SPATA17: variants seen among roughly 807,000 people sequenced by gnomAD.
The protein encoded by SPATA17 is spermatogenesis-associated protein 17.
SPATA17 carries 53 observed loss-of-function variants against 62.2 expected under a neutral mutation model. That is an observed-to-expected ratio of 0.85 (90% CI 0.68 to 1.07). The LOEUF (loss-of-function observed/expected upper bound fraction) is 1.07, where lower values mean the gene tolerates loss of function less well. Ranked by LOEUF, SPATA17 falls within the 50% of genes least tolerant of loss-of-function variation. SPATA17 has a pLI of 0.00. For missense variants in SPATA17, 466 were observed against 425.5 expected (o/e 1.10, Z -0.84); for synonymous variants, 146 against 146.8 (o/e 0.99, Z 0.04).
intron 3 of SPATA17, among the ~76,000 whole-genome samples, chr1:217,652,715 C>A (rs948048788): frequency 2.6e-5 from 4 of 152,158 alleles, no homozygotes; most frequent in African/African-American, 9.7e-5. Context: ...AGGTGCCAGA[C>A]ACTGTGGTAA....
chr1:217,631,519 C>G, intron 1 of SPATA17, 73 bp downstream of exon 1: 1 of 1,496,840 alleles, frequency 6.7e-7, no homozygotes, highest in Non-Finnish European at 9.3e-7. Context: ...GCGGGAGTTT[C>G]CAATTAACGA....
chr1:217,647,191 G>A (rs1243698648), intron 1 of SPATA17, among the ~76,000 whole-genome samples: 1 of 152,186 alleles, frequency 6.6e-6, no homozygotes, highest in African/African-American at 2.4e-5. Context: ...TCTCTCAACA[G>A]CTCCTTTCAT....
At chr1:217,716,767 G>A (rs1304256814) in intron 5 of SPATA17, among the ~76,000 whole-genome samples, 1 of 152,206 alleles carries the variant, frequency 6.6e-6, no homozygotes, top group Non-Finnish European at 1.5e-5. Flanking sequence ...CAAACATACA[G>A]GTGAACAAAT....
At chr1:217,824,022 A>T (rs1431954417) in intron 9 of SPATA17, among the ~76,000 whole-genome samples, 1 of 152,046 alleles carries the variant, frequency 6.6e-6, no homozygotes, top group Non-Finnish European at 1.5e-5. Context: ...TAAGCAGCTC[A>T]TAGTTGTAGG....
chr1:217,834,492 C>A (rs1273851339), intron 9 of SPATA17, among the ~76,000 whole-genome samples: 1 of 151,986 alleles, frequency 6.6e-6, no homozygotes, highest in Admixed American at 6.6e-5. Flanking sequence ...ATGATCATGA[C>A]CCTGTGTAGG....
Position 217,631,479 on chromosome 1 carries a change from C to T in SPATA17, c.68+33C>T, listed in dbSNP as rs759073801. ...AGGAAGAGAAGGATCGCGTAAAGGG[C>T]GGGCGTGACTTTATACCAGTTGTTC... is the stretch of plus-strand genomic sequence containing the variant. On this transcript the variant is annotated intron_variant, in intron 1 of 10. Coordinates refer to ENST00000366933, the MANE Select transcript of SPATA17 (RefSeq NM_138796.4). The T allele has an allele frequency of 1.7e-5, 27 of 1,608,370 alleles. 1 individual carries two copies. The highest frequency in any genetic ancestry group is 6.7e-5 in the African/African-American group (5 of 74,802).
intron 1 of SPATA17, among the ~76,000 whole-genome samples, chr1:217,640,305 A>G (rs1308767173): frequency 6.6e-6 from 1 of 152,132 alleles, no homozygotes; most frequent in East Asian, 1.9e-4. Flanking sequence ...AATTGTCTTT[A>G]TTTACTGACA....
chr1:217,734,086 C>T (rs982800054), intron 5 of SPATA17, among the ~76,000 whole-genome samples: 2 of 152,102 alleles, frequency 1.3e-5, no homozygotes, highest in African/African-American at 2.4e-5. Flanking sequence ...TTAATAACTT[C>T]CAGATAATCT....
rs199497632 is a variant in SPATA17 at position 217,753,613 on chromosome 1, GTA to G, written c.519+11525_519+11526del. On this transcript the variant is annotated intron_variant, in intron 6 of 10. Coordinates refer to ENST00000366933, the MANE Select transcript of SPATA17 (RefSeq NM_138796.4). Reference sequence around the variant, plus strand: ...AAAAGAATGAATATATTTTGTATATGTATATATATATGTATATGTATACATTT... The same window carrying G: ...AAAAGAATGAATATATTTTGTATATGTATATATATGTATATGTATACATTT... Among the ~76,000 whole-genome samples, 499 of 151,234 alleles carry G rather than the reference GTA, an allele frequency of 3.3e-3. 2 individuals carry two copies. The highest frequency in any genetic ancestry group is 0.011 in the African/African-American group (452 of 41,232).
chr1:217,685,667 TTTAGGAA>T (rs1324674846), intron 5 of SPATA17, among the ~76,000 whole-genome samples: 2 of 152,284 alleles, frequency 1.3e-5, no homozygotes, highest in Non-Finnish European at 2.9e-5. Flanking sequence ...CATCATTTAT[TTTAGGAA>T]TACATCTAAC....
intron 1 of SPATA17, among the ~76,000 whole-genome samples, chr1:217,631,920 C>A (rs11589536): frequency 0.34 from 51,350 of 151,984 alleles, 9,109 homozygotes; most frequent in Non-Finnish European, 0.39. Flanking sequence ...TGGTGGCTCA[C>A]GCCTGTAATC....
At chr1:217,819,283 T>C (rs568626680) in intron 9 of SPATA17, among the ~76,000 whole-genome samples, 21 of 152,068 alleles carry the variant, frequency 1.4e-4, no homozygotes, top group African/African-American at 5.1e-4. Flanking sequence ...TCTGTTAGTA[T>C]GGTAAATTTG....
intron 5 of SPATA17, among the ~76,000 whole-genome samples, chr1:217,704,188 A>G (rs1017632093): frequency 2.0e-4 from 28 of 139,582 alleles, no homozygotes; most frequent in African/African-American, 6.5e-4. Context: ...ATAGCACCCA[A>G]CGGGTAGGTT....
chr1:217,705,329 A>T (rs1019049466), intron 5 of SPATA17, among the ~76,000 whole-genome samples: 1 of 151,162 alleles, frequency 6.6e-6, no homozygotes, highest in Admixed American at 6.6e-5. Context: ...CATAGATGCA[A>T]ATATTTCCTC....
chr1:217,669,249 G>T (rs893465318), intron 4 of SPATA17, among the ~76,000 whole-genome samples, 166 bp downstream of exon 4: 15 of 152,160 alleles, frequency 9.9e-5, no homozygotes, highest in African/African-American at 3.6e-4. Flanking sequence ...AATCTTGGCA[G>T]TATTAAAAAT....
rs1676120194 is a variant in SPATA17 at position 217,871,105 on chromosome 1, G to A, written c.*4086G>A. The A allele has an allele frequency of 6.6e-6, 1 of 151,728 alleles. No homozygotes were observed. The highest frequency in any genetic ancestry group is 2.4e-5 in the African/African-American group (1 of 41,274). 9.4% of individuals were successfully genotyped at this position (151,728 alleles called of 1,614,324 possible). On this transcript the variant is annotated 3_prime_UTR_variant, in exon 11 of 11. Transcript: ENST00000366933. ...TCTAGATTGTGATGTACACTAAGTG[G>A]GTTGATCCTGAGATCAAGCTATGAT...
At chr1:217,698,854 C>G (rs567642087) in intron 5 of SPATA17, among the ~76,000 whole-genome samples, 1 of 152,216 alleles carries the variant, frequency 6.6e-6, no homozygotes. Context: ...TAACCACATT[C>G]ACTTCTATTC....
At chr1:217,663,438 T>A (rs1670613593) in intron 3 of SPATA17, among the ~76,000 whole-genome samples, 1 of 143,560 alleles carries the variant, frequency 7.0e-6, no homozygotes. Flanking sequence ...AGAGTGAAAC[T>A]CCATCTCAAA....
chr1:217,751,079 TTC>T (rs1178070064), intron 6 of SPATA17, among the ~76,000 whole-genome samples: 1 of 152,194 alleles, frequency 6.6e-6, no homozygotes, highest in African/African-American at 2.4e-5. Flanking sequence ...TTTCATTGAA[TTC>T]TCTCTTTTTC....
Sources: allele counts gnomAD v4.1 joint callset (sites outside exome capture counted in the v4.1 genomes callset), GRCh38; gene constraint gnomAD v4.1.1; transcripts MANE v1.5; gene names NCBI Gene and HGNC (gene_info 2026-07-23, HGNC 2026-07-21).